The following HAVCR2 variants were observed in gnomAD, a reference collection of about 807,000 sequenced individuals.
The protein encoded by HAVCR2 is T cell immunoglobulin mucin 3.
Under a neutral mutation model 24.7 loss-of-function variants are expected in HAVCR2, and 13 were observed. That is an observed-to-expected ratio of 0.53 (90% CI 0.34 to 0.84). The LOEUF (loss-of-function observed/expected upper bound fraction) is 0.84, where lower values mean the gene tolerates loss of function less well. HAVCR2 is among the 40% of genes least tolerant of loss of function. HAVCR2 has a pLI of 0.01. For synonymous variants in HAVCR2, 154 were observed against 143.4 expected (o/e 1.07, Z -0.53); for missense variants, 343 against 371.2 (o/e 0.92, Z 0.62).
chr5:157,106,219 C>T (rs780991237), intron 2 of HAVCR2: 88 of 162,518 alleles, frequency 5.4e-4, no homozygotes, highest in Middle Eastern at 3.1e-3. Context: ...CAACCTCCGA[C>T]TCCCAGGTTC....
At position 157,103,475 on chromosome 5, in the gene HAVCR2, T is replaced by A. The variant is rs974685194; in HGVS notation, c.478+1191A>T. 3.3e-5 allele frequency among the ~76,000 whole-genome samples: 5 copies of A among 152,254 alleles called. No homozygotes were observed. The East Asian group carries it at 9.6e-4, about 29-fold the overall frequency. On this transcript the variant is annotated intron_variant, in intron 3 of 6. Coordinates refer to ENST00000307851, the MANE Select transcript of HAVCR2 (RefSeq NM_032782.5). ...TATGGTTGTAAGATTCTTTAAAATA[T>A]AACAATGGCATACAATAAGTATCTG...
chr5:157,090,324 A>G (rs907212734), intron 5 of HAVCR2, among the ~76,000 whole-genome samples: 8 of 151,782 alleles, frequency 5.3e-5, no homozygotes, highest in African/African-American at 1.9e-4. Context: ...GGCTGGATGC[A>G]GTGGCTCACG....
chr5:157,106,634 G>A lies in HAVCR2; in HGVS notation c.387C>T (p.Ile129=), dbSNP rs775520548. ...ATGCAAATGTCCACTCACCTGGTTT[G>A]ATGACCAACTTCAGGTTAAATTTTT... ...NDEKFNLKLV[I]KPAKVTPAPT... The change falls in exon 2 of 7, where the codon ATC becomes ATT. Residue 129 remains isoleucine (I), a synonymous_variant. Transcript: ENST00000307851. 6.2e-7 allele frequency: 1 copy of A among 1,613,664 alleles called. No homozygotes were observed. The highest frequency in any genetic ancestry group is 8.5e-7 in the Non-Finnish European group (1 of 1,179,576).
chr5:157,106,918 A>G lies in HAVCR2; in HGVS notation c.103T>C (p.Tyr35His). 1 of 1,614,154 alleles carries G rather than the reference A, an allele frequency of 6.2e-7. No individual in the cohort carries two copies. Among genetic ancestry groups the G allele is most frequent in the Non-Finnish European group, 8.5e-7 (1 of 1,180,002 alleles). The change falls in exon 2 of 7, where the codon TAT (tyrosine) becomes CAT (histidine). Residue 35 changes from tyrosine (Y) to histidine (H), a missense_variant. Tyr to His is a moderately conservative substitution (Grantham distance 83). Transcript: ENST00000307851. ...EYRAEVGQNA[Y>H]LPCFYTPAAP... ...GCTGGGGTGTAGAAGCAGGGCAGAT[A>G]GGCATTCTGACCGACCTCCGCTCTG...
At chr5:157,098,766 AC>A in intron 4 of HAVCR2, 91 bp downstream of exon 4, 4 of 1,187,346 alleles carry the variant, frequency 3.4e-6, no homozygotes, top group Non-Finnish European at 4.9e-6. Flanking sequence ...AAGGCTTTTT[AC>A]CCCAAGGACA....
At chr5:157,104,809 G>T (rs1757222404) in intron 2 of HAVCR2, 60 bp from the exon 3 acceptor site, 9 of 1,195,398 alleles carry the variant, frequency 7.5e-6, no homozygotes, top group Non-Finnish European at 1.1e-5. Flanking sequence ...TTATTTCAGG[G>T]AATCAAAGGG....
In HAVCR2 at chr5:157,087,050, C is replaced by T. The variant is rs1024128181; in HGVS notation, c.*52G>A. On this transcript the variant is annotated 3_prime_UTR_variant, in exon 7 of 7. Transcript: ENST00000307851. The stretch of plus-strand genomic sequence containing the variant: ...CCAAAACCAGTCAGGTGACACAGCT[C>T]ATAGTTTCTGAAAAAGACAAAACAC... 1.9e-6 allele frequency: 3 copies of T among 1,540,382 alleles called. No individual in the cohort carries two copies. The highest frequency in any genetic ancestry group is 2.7e-6 in the Non-Finnish European group (3 of 1,119,120).
chr5:157,107,188 C>T (rs953654110), intron 1 of HAVCR2: 14 of 529,112 alleles, frequency 2.6e-5, no homozygotes, highest in Non-Finnish European at 4.4e-5. Context: ...GAGTTCCTGA[C>T]TCAGTTGGCC....
chr5:157,091,318 G>A (rs1756997084), intron 5 of HAVCR2, among the ~76,000 whole-genome samples: 1 of 152,024 alleles, frequency 6.6e-6, no homozygotes, highest in Non-Finnish European at 1.5e-5. Flanking sequence ...GGCGGCACAT[G>A]CATGAAATCC....
Position 157,106,712 on chromosome 5 carries a change from T to G in HAVCR2, c.309A>C (p.Ala103=). ...VSLTIENVTL[A]DSGIYCCRIQ... Reference sequence around the variant, plus strand: ...TCCGGCAGCAGTAGATCCCACTGTCTGCTAGAGTCACATTCTCTATGGTCA... The same window carrying G: ...TCCGGCAGCAGTAGATCCCACTGTCGGCTAGAGTCACATTCTCTATGGTCA... The change falls in exon 2 of 7, where the codon GCA becomes GCC. Residue 103 remains alanine, a synonymous_variant. Transcript: ENST00000307851. 6.2e-7 allele frequency: 1 copy of G among 1,614,272 alleles called. No homozygotes were observed. The highest frequency in any genetic ancestry group is 8.5e-7 in the Non-Finnish European group (1 of 1,180,050).
In HAVCR2 at chr5:157,106,891, C is replaced by A. The variant is rs765773071; in HGVS notation, c.130G>T (p.Ala44Ser). ...AYLPCFYTPA[A>S]PGNLVPVCWG... Reference sequence around the variant, plus strand: ...CAGACGGGCACGAGGTTCCCTGGGGCGGCTGGGGTGTAGAAGCAGGGCAGA... The same window carrying A: ...CAGACGGGCACGAGGTTCCCTGGGGAGGCTGGGGTGTAGAAGCAGGGCAGA... Residue 44 changes from alanine (A) to serine (S), a missense_variant, in exon 2 of 7, where the codon GCC becomes TCC. Coordinates refer to ENST00000307851, the MANE Select transcript of HAVCR2 (RefSeq NM_032782.5). 1.2e-6 allele frequency: 2 copies of A among 1,614,152 alleles called. No homozygotes were observed. The highest frequency in any genetic ancestry group is 8.5e-7 in the Non-Finnish European group (1 of 1,180,026).
At chr5:157,107,740 G>A (rs955336530) in intron 1 of HAVCR2, among the ~76,000 whole-genome samples, 2 of 152,126 alleles carry the variant, frequency 1.3e-5, no homozygotes, top group East Asian at 1.9e-4. Flanking sequence ...CAGATTGATA[G>A]CTCATCTTTA....
intron 1 of HAVCR2, among the ~76,000 whole-genome samples, chr5:157,108,652 A>G (rs986409982): frequency 1.3e-5 from 2 of 152,198 alleles, no homozygotes; most frequent in Non-Finnish European, 2.9e-5. Flanking sequence ...ATGCACACAC[A>G]CAAATAGAAG....
At position 157,087,337 on chromosome 5, in the gene HAVCR2, G is replaced by A. The variant is rs750919928; in HGVS notation, c.714-43C>T. ...TGCGGTTGAGTTAAGCATTTCCCAG[G>A]TAACACGGAATAGAGTTAAGAGAAT... is the stretch of plus-strand genomic sequence containing the variant. On this transcript the variant is annotated intron_variant, in intron 6 of 6. Coordinates refer to ENST00000307851, the MANE Select transcript of HAVCR2 (RefSeq NM_032782.5). 1.2e-5 allele frequency: 19 copies of A among 1,539,394 alleles called. No homozygotes were observed. The African/African-American group carries it at 2.1e-4, about 17-fold the overall frequency.
chr5:157,103,044 G>T (rs1757191804), intron 3 of HAVCR2, among the ~76,000 whole-genome samples: 1 of 151,724 alleles, frequency 6.6e-6, no homozygotes, highest in Non-Finnish European at 1.5e-5. Flanking sequence ...TCCGTCTACA[G>T]CAAATGCCCA....
intron 4 of HAVCR2, among the ~76,000 whole-genome samples, chr5:157,095,863 G>A (rs753745342): frequency 2.4e-4 from 36 of 152,054 alleles, no homozygotes; most frequent in Non-Finnish European, 4.4e-4. Flanking sequence ...GCTATGAAAC[G>A]TCTATTTTTC....
At chr5:157,105,668 A>G (rs1757237037) in intron 2 of HAVCR2, among the ~76,000 whole-genome samples, 1 of 152,170 alleles carries the variant, frequency 6.6e-6, no homozygotes, top group African/African-American at 2.4e-5. Flanking sequence ...AGGCAGAGTT[A>G]GATGTAAACT....
intron 6 of HAVCR2, 137 bp from the exon 7 acceptor site, chr5:157,087,431 A>G: frequency 2.0e-6 from 1 of 501,274 alleles, no homozygotes; most frequent in Non-Finnish European, 3.1e-6. Context: ...ACAAGTGGAA[A>G]AGCCAAGAAA....
chr5:157,094,393 CTT>C (rs76873228), intron 5 of HAVCR2, among the ~76,000 whole-genome samples: 67 of 147,198 alleles, frequency 4.6e-4, no homozygotes, highest in African/African-American at 1.5e-3. Context: ...TATTTTATTA[CTT>C]TTTTTTTTAA....
Sources: allele counts gnomAD v4.1 joint callset (sites outside exome capture counted in the v4.1 genomes callset), GRCh38; gene constraint gnomAD v4.1.1; transcripts MANE v1.5; gene names NCBI Gene and HGNC (gene_info 2026-07-23, HGNC 2026-07-21).